The following ERC2 variants were observed in gnomAD, a reference collection of about 807,000 sequenced individuals.
ERC2 encodes the protein ELKS/RAB6-interacting/CAST family member 2.
In ERC2, 42 loss-of-function variants were observed where a neutral mutation model predicts 114.8. The observed-to-expected ratio is 0.37, with a 90% CI of 0.29 to 0.47. ERC2 has a LOEUF of 0.47. Ranked by LOEUF, ERC2 falls within the 20% of genes least tolerant of loss-of-function variation. ERC2 has a pLI of 0.99. For synonymous variants in ERC2, 454 were observed against 425.5 expected, an observed-to-expected ratio of 1.07 and a Z score of -0.82; for missense variants, 939 against 1,150.7, an observed-to-expected ratio of 0.82 and a Z score of 2.66.
At chr3:56,067,935 A>C (rs2076555661) in intron 7 of ERC2, among the ~76,000 whole-genome samples, 1 of 152,152 alleles carries the variant, frequency 6.6e-6, no homozygotes, top group Non-Finnish European at 1.5e-5. Context: ...TGCTGGATTC[A>C]GTTTGCCAGT....
chr3:56,004,766 C>G (rs777776297), intron 10 of ERC2, among the ~76,000 whole-genome samples: 1 of 151,968 alleles, frequency 6.6e-6, no homozygotes, highest in Non-Finnish European at 1.5e-5. Context: ...GTATTTATGA[C>G]ATAATAAAAC....
At chr3:55,573,368 A>G (rs1258769468) in intron 17 of ERC2, among the ~76,000 whole-genome samples, 7 of 152,212 alleles carry the variant, frequency 4.6e-5, no homozygotes, top group Admixed American at 4.6e-4. Flanking sequence ...CAAGCACTCA[A>G]TAAATGTTAG....
chr3:56,197,673 C>A (rs957101465), intron 3 of ERC2, among the ~76,000 whole-genome samples: 1 of 152,210 alleles, frequency 6.6e-6, no homozygotes, highest in African/African-American at 2.4e-5. Flanking sequence ...CCATTCCATT[C>A]CATACTAATC....
At chr3:56,250,948 T>C (rs2052106448) in intron 3 of ERC2, among the ~76,000 whole-genome samples, 1 of 152,134 alleles carries the variant, frequency 6.6e-6, no homozygotes, top group African/African-American at 2.4e-5. Flanking sequence ...GCAAACTATG[T>C]TGAATAAAGA....
intron 6 of ERC2, among the ~76,000 whole-genome samples, chr3:56,085,262 G>C (rs201014199): frequency 1.2e-3 from 185 of 152,316 alleles, no homozygotes; most frequent in Middle Eastern, 0.01. Flanking sequence ...CAGGGAAGTT[G>C]GGGGAGTAGA....
chr3:55,960,526 G>A (rs904071717), intron 12 of ERC2, among the ~76,000 whole-genome samples: 3 of 152,132 alleles, frequency 2.0e-5, no homozygotes, highest in African/African-American at 7.2e-5. Flanking sequence ...GAGAATCTCT[G>A]ACAGCACCCC....
intron 12 of ERC2, among the ~76,000 whole-genome samples, chr3:55,951,600 TAATCCAACACATGAGG>T (rs1389066170): frequency 6.6e-6 from 1 of 152,150 alleles, no homozygotes; most frequent in Non-Finnish European, 1.5e-5. Context: ...GTCATAAATC[TAATCCAACACATGAGG>T]AGGTAGGAGG....
intron 14 of ERC2, among the ~76,000 whole-genome samples, chr3:55,776,099 C>T (rs2068587554): frequency 3.6e-5 from 5 of 139,284 alleles, no homozygotes; most frequent in African/African-American, 1.5e-4. Flanking sequence ...AAAACACCAA[C>T]ACATACTTTT....
intron 17 of ERC2, among the ~76,000 whole-genome samples, chr3:55,676,491 C>T (rs2061821996): frequency 7.0e-6 from 1 of 142,122 alleles, no homozygotes; most frequent in Admixed American, 6.9e-5. Flanking sequence ...TAGCATTCAG[C>T]TTTTCATATC....
chr3:56,115,881 G>C (rs917352907), intron 6 of ERC2, among the ~76,000 whole-genome samples: 1 of 152,070 alleles, frequency 6.6e-6, no homozygotes, highest in African/African-American at 2.4e-5. Context: ...ACACACTGAA[G>C]GCCACCCTCC....
chr3:55,648,980 C>T (rs1347648183), intron 17 of ERC2, among the ~76,000 whole-genome samples: 4 of 152,100 alleles, frequency 2.6e-5, no homozygotes, highest in African/African-American at 4.8e-5. Context: ...TGAACAAGGC[C>T]GGGCAGGGAC....
At position 56,391,405 on chromosome 3, in the gene ERC2, A is replaced by G. The variant is rs1045419616; in HGVS notation, c.657+42946T>C. Among the ~76,000 whole-genome samples the G allele has an allele frequency of 2.6e-5, 4 of 152,306 alleles. No homozygotes were observed. The East Asian group carries it at 7.7e-4, about 29-fold the overall frequency. ...CTGCCTAGAACTTTATAGTTTATCA[A>G]TCATTCACTCTGAGAAGACTCTCAC... On this transcript the variant is annotated intron_variant, in intron 2 of 17. Coordinates refer to ENST00000288221, the MANE Select transcript of ERC2 (RefSeq NM_015576.3).
chr3:56,295,169 G>A (rs2055349319), intron 3 of ERC2, among the ~76,000 whole-genome samples: 1 of 152,138 alleles, frequency 6.6e-6, no homozygotes, highest in East Asian at 1.9e-4. Flanking sequence ...TTTATTTATT[G>A]CTATAGAATA....
intron 3 of ERC2, among the ~76,000 whole-genome samples, chr3:56,214,206 G>T (rs1036746222): frequency 3.3e-5 from 5 of 152,212 alleles, no homozygotes; most frequent in African/African-American, 1.2e-4. Context: ...AGCTAAAGGA[G>T]GAAGTTCGAA....
At chr3:56,379,622 C>T (rs2059674105) in intron 2 of ERC2, among the ~76,000 whole-genome samples, 1 of 152,102 alleles carries the variant, frequency 6.6e-6, no homozygotes, top group Admixed American at 6.6e-5. Flanking sequence ...CACACTCTAC[C>T]CACTGCACAT....
At chr3:56,210,884 T>C (rs1422480612) in intron 3 of ERC2, among the ~76,000 whole-genome samples, 2 of 152,152 alleles carry the variant, frequency 1.3e-5, no homozygotes, top group Admixed American at 1.3e-4. Context: ...TAGAAGTTCC[T>C]AGCTCCATTT....
At chr3:55,620,090 G>T (rs2148593481) in intron 17 of ERC2, among the ~76,000 whole-genome samples, 1 of 152,272 alleles carries the variant, frequency 6.6e-6, no homozygotes, top group East Asian at 1.9e-4. Context: ...GATTAAGTTG[G>T]CTGTTTGCCT....
chr3:56,312,726 C>T (rs968304573), intron 2 of ERC2, among the ~76,000 whole-genome samples: 16 of 150,262 alleles, frequency 1.1e-4, no homozygotes, highest in African/African-American at 3.4e-4. Context: ...TCTGTGCTCT[C>T]GGTGGAATTT....
chr3:56,260,533 G>A (rs2052846570), intron 3 of ERC2, among the ~76,000 whole-genome samples: 2 of 152,310 alleles, frequency 1.3e-5, no homozygotes, highest in Admixed American at 6.5e-5. Context: ...ACCCAGAGCT[G>A]TGGGAGGTGG....
Sources: gnomAD v4.1 joint callset for allele counts (sites outside exome capture counted in the v4.1 genomes callset) on GRCh38, gnomAD v4.1.1 for gene constraint, MANE v1.5 for transcripts, NCBI Gene and HGNC (gene_info 2026-07-23, HGNC 2026-07-21) for gene names.